RBFOX1: variants seen among roughly 807,000 people sequenced by gnomAD.
RBFOX1 encodes the protein RNA binding fox-1 homolog 1, also known as RNA binding protein fox-1 homolog 1.
In RBFOX1, 8 loss-of-function variants were observed where a neutral mutation model predicts 57.7. The ratio of observed to expected loss-of-function variants is 0.14; its 90% CI spans 0.08 to 0.25. The LOEUF (loss-of-function observed/expected upper bound fraction) is 0.25, where lower values mean the gene tolerates loss of function less well. RBFOX1 is among the 10% of genes least tolerant of loss of function. The pLI is 1.00. For missense variants in RBFOX1, 611 were observed against 548.5 expected (o/e 1.11, Z -1.14); for synonymous variants, 326 against 222.4 (o/e 1.47, Z -4.15).
rs149896541 is a variant in RBFOX1 at position 6,500,721 on chromosome 16, C to G, written c.-63-153882C>G. 1.1e-3 allele frequency among the ~76,000 whole-genome samples: 164 copies of G among 152,210 alleles called. 1 individual carries two copies. Among genetic ancestry groups the G allele is most frequent in the African/African-American group, 3.7e-3 (153 of 41,534 alleles). On this transcript the variant is annotated intron_variant, in intron 2 of 15. Transcript: ENST00000550418. ...GAAAACTTGGACACTGACATCAACA[C>G]TTGACAACATCTTGACTGCATGTCA...
rs535820093 is a variant in RBFOX1, at chr16:6,631,505, G to A, written c.-63-23098G>A. 7.9e-5 allele frequency among the ~76,000 whole-genome samples: 12 copies of A among 151,822 alleles called. 1 individual carries two copies. Among genetic ancestry groups the A allele is most frequent in the Admixed American group, 6.6e-4 (10 of 15,224 alleles). On this transcript the variant is annotated intron_variant, in intron 2 of 15. Coordinates refer to ENST00000550418, the MANE Select transcript of RBFOX1 (RefSeq NM_018723.4). Reference sequence around the variant, plus strand: ...TCACATTCTTAAAGTTACTCCATTCGCTCCTGAACAAATATTAAGTGGAGG... The same window carrying A: ...TCACATTCTTAAAGTTACTCCATTCACTCCTGAACAAATATTAAGTGGAGG...
At chr16:5,841,320 A>C (rs2056618447) in intron 3 of RBFOX1, among the ~76,000 whole-genome samples, 1 of 152,140 alleles carries the variant, frequency 6.6e-6, no homozygotes, top group African/African-American at 2.4e-5. Flanking sequence ...GGATTCAGGG[A>C]ATGTTCTTAT....
At chr16:6,892,763 C>G (rs948326477) in intron 3 of RBFOX1, among the ~76,000 whole-genome samples, 1 of 133,282 alleles carries the variant, frequency 7.5e-6, no homozygotes, top group Admixed American at 7.5e-5. Flanking sequence ...ATTCTCAAAG[C>G]CTCCCTGTCT....
intron 3 of RBFOX1, among the ~76,000 whole-genome samples, chr16:6,930,857 A>C (rs553016418): frequency 6.6e-6 from 1 of 152,088 alleles, no homozygotes; most frequent in African/African-American, 2.4e-5. Flanking sequence ...ATCAATCTTA[A>C]CTGTAATAGC....
At chr16:7,091,552 A>G (rs2060857510) in intron 4 of RBFOX1, among the ~76,000 whole-genome samples, 1 of 151,976 alleles carries the variant, frequency 6.6e-6, no homozygotes, top group Non-Finnish European at 1.5e-5. Flanking sequence ...GAAAACGAAA[A>G]TGCATCATTT....
rs146065452 is a variant in RBFOX1, at chr16:7,044,803, G to T, written c.-15-7254G>T. On this transcript the variant is annotated intron_variant, in intron 3 of 15. Coordinates refer to ENST00000550418, the MANE Select transcript of RBFOX1 (RefSeq NM_018723.4). ...AGCTTTTAAAGAATGCACAGGCAGG[G>T]TCTTTCTTCATCACAGACTGTAGGG... 4.6e-5 allele frequency among the ~76,000 whole-genome samples: 7 copies of T among 152,212 alleles called. No homozygotes were observed. In the East Asian group the frequency reaches 1.4e-3, roughly 29 times the overall value.
At chr16:5,277,901 G>C (rs2063180971) in intron 1 of RBFOX1, among the ~76,000 whole-genome samples, 10 of 152,138 alleles carry the variant, frequency 6.6e-5, no homozygotes, top group Admixed American at 6.5e-4. Flanking sequence ...TTCATCCGTT[G>C]ATTGACACTT....
intron 4 of RBFOX1, among the ~76,000 whole-genome samples, chr16:5,945,949 C>A (rs2059392097): frequency 6.6e-6 from 1 of 152,216 alleles, no homozygotes; most frequent in Admixed American, 6.5e-5. Context: ...GCTTCACATC[C>A]TCCTTTCAAG....
At chr16:6,548,724 T>A (rs550165793) in intron 2 of RBFOX1, among the ~76,000 whole-genome samples, 29 of 152,286 alleles carry the variant, frequency 1.9e-4, no homozygotes, top group Admixed American at 1.5e-3. Context: ...CTCTCAGATC[T>A]GCTTCCTCTC....
At chr16:6,551,931 TGA>T (rs1251234324) in intron 2 of RBFOX1, among the ~76,000 whole-genome samples, 1 of 152,226 alleles carries the variant, frequency 6.6e-6, no homozygotes, top group Non-Finnish European at 1.5e-5. Flanking sequence ...TTTAAATTTT[TGA>T]GAGTTATTTG....
chr16:7,334,346 C>A (rs1199552634), intron 4 of RBFOX1, among the ~76,000 whole-genome samples: 4 of 152,094 alleles, frequency 2.6e-5, no homozygotes, highest in Non-Finnish European at 5.9e-5. Flanking sequence ...CCCTGGTATA[C>A]ACAGGCCGGT....
intron 3 of RBFOX1, among the ~76,000 whole-genome samples, chr16:6,715,179 C>G (rs552001423): frequency 6.6e-6 from 1 of 152,228 alleles, no homozygotes; most frequent in Non-Finnish European, 1.5e-5. Flanking sequence ...CCTCCTCACT[C>G]ATAATGAATT....
chr16:5,441,466 G>C (rs2151540165), intron 1 of RBFOX1, among the ~76,000 whole-genome samples: 1 of 150,054 alleles, frequency 6.7e-6, no homozygotes, highest in South Asian at 2.1e-4. Context: ...CAAGGTTCAA[G>C]CTATTCTCCT....
At chr16:5,248,797 T>C (rs1327200107) in intron 1 of RBFOX1, among the ~76,000 whole-genome samples, 3 of 152,102 alleles carry the variant, frequency 2.0e-5, no homozygotes, top group South Asian at 2.1e-4. Flanking sequence ...GAGACCAGCC[T>C]GGCCAACATG....
chr16:5,966,460 G>GTTTTGT (rs946477525), intron 4 of RBFOX1, among the ~76,000 whole-genome samples: 3 of 151,986 alleles, frequency 2.0e-5, no homozygotes, highest in African/African-American at 7.2e-5. Context: ...CTTTTTTTTG[G>GTTTTGT]TTTTGTTTTT....
At chr16:6,243,914 G>A (rs1246420765) in intron 1 of RBFOX1, among the ~76,000 whole-genome samples, 4 of 152,142 alleles carry the variant, frequency 2.6e-5, no homozygotes, top group Admixed American at 2.6e-4. Context: ...CAACACTCAT[G>A]TTGGATCTGT....
chr16:6,769,588 T>C (rs1345862099), intron 3 of RBFOX1, among the ~76,000 whole-genome samples: 2 of 152,222 alleles, frequency 1.3e-5, no homozygotes, highest in South Asian at 2.1e-4. Context: ...AACAGCTTCA[T>C]TGCGCATAAG....
At chr16:6,236,011 A>C (rs1330159493) in intron 1 of RBFOX1, among the ~76,000 whole-genome samples, 1 of 152,240 alleles carries the variant, frequency 6.6e-6, no homozygotes, top group Non-Finnish European at 1.5e-5. Flanking sequence ...GGAAATAAAA[A>C]AAATTCAAAA....
At chr16:6,769,599 C>G (rs891586309) in intron 3 of RBFOX1, among the ~76,000 whole-genome samples, 4 of 152,142 alleles carry the variant, frequency 2.6e-5, no homozygotes, top group Non-Finnish European at 5.9e-5. Flanking sequence ...TGCGCATAAG[C>G]AAGACTTCTC....
Sources: gnomAD v4.1 joint callset for allele counts (sites outside exome capture counted in the v4.1 genomes callset) on GRCh38, gnomAD v4.1.1 for gene constraint, MANE v1.5 for transcripts, NCBI Gene and HGNC (gene_info 2026-07-23, HGNC 2026-07-21) for gene names.